Variants in METTL24 observed in about 807,000 individuals in gnomAD.
METTL24 encodes the protein methyltransferase like 24.
METTL24 carries 29 observed loss-of-function variants against 32.7 expected under a neutral mutation model. The ratio of observed to expected loss-of-function variants is 0.89; its 90% CI spans 0.66 to 1.21. The LOEUF is 1.21. METTL24 is among the 50% of genes most tolerant of loss of function. METTL24 has a pLI of 0.00. For missense variants in METTL24, 439 were observed against 468.1 expected, an observed-to-expected ratio of 0.94 and a Z score of 0.57; for synonymous variants, 163 against 179.5, an observed-to-expected ratio of 0.91 and a Z score of 0.73.
At chr6:110,326,044 C>T (rs1772011309) in intron 1 of METTL24, among the ~76,000 whole-genome samples, 1 of 152,192 alleles carries the variant, frequency 6.6e-6, no homozygotes, top group South Asian at 2.1e-4. Context: ...TCTTTCTTCC[C>T]CAAAGTGAGT....
chr6:110,324,069 C>T (rs1771978054), intron 1 of METTL24, among the ~76,000 whole-genome samples: 4 of 151,976 alleles, frequency 2.6e-5, no homozygotes, highest in African/African-American at 9.7e-5. Context: ...CTAGGTGACT[C>T]GGGGTTACAT....
rs1183805876 is a variant in METTL24, at chr6:110,264,128, A to G, written c.787-17868T>C. 4.6e-5 allele frequency among the ~76,000 whole-genome samples: 7 copies of G among 151,630 alleles called. No individual in the cohort carries two copies. The East Asian group carries it at 1.4e-3, about 29-fold the overall frequency. ...AAGCCAAAATTGACAAATGGGATCTAATTAAACTAAAGAGCTTCTGCACAG... is the reference window on the plus strand; with the variant it reads ...AAGCCAAAATTGACAAATGGGATCTGATTAAACTAAAGAGCTTCTGCACAG... On this transcript the variant is annotated intron_variant, in intron 4 of 4. Coordinates refer to ENST00000338882, the MANE Select transcript of METTL24 (RefSeq NM_001123364.3).
intron 4 of METTL24, among the ~76,000 whole-genome samples, chr6:110,296,840 T>C (rs2114729953): frequency 6.6e-6 from 1 of 152,340 alleles, no homozygotes; most frequent in South Asian, 2.1e-4. Context: ...CACATCCTAT[T>C]TACCACTGTC....
intron 4 of METTL24, among the ~76,000 whole-genome samples, chr6:110,297,201 G>C (rs1771436226): frequency 6.6e-6 from 1 of 152,098 alleles, no homozygotes; most frequent in South Asian, 2.1e-4. Flanking sequence ...AAATATTTCT[G>C]CTATCTCAGG....
intron 4 of METTL24, among the ~76,000 whole-genome samples, chr6:110,287,890 T>C (rs1771252072): frequency 1.3e-5 from 2 of 152,082 alleles, no homozygotes; most frequent in South Asian, 4.1e-4. Flanking sequence ...TGAGGATAAA[T>C]CATTATCTAA....
intron 4 of METTL24, among the ~76,000 whole-genome samples, chr6:110,293,538 T>G (rs1408420433): frequency 6.6e-6 from 1 of 152,000 alleles, no homozygotes; most frequent in East Asian, 1.9e-4. Context: ...TCAATAATAA[T>G]AATATCTGCA....
chr6:110,307,212 G>A (rs1310265249), intron 3 of METTL24, among the ~76,000 whole-genome samples: 1 of 152,118 alleles, frequency 6.6e-6, no homozygotes, highest in Non-Finnish European at 1.5e-5. Flanking sequence ...CACTACACTG[G>A]ACACCAGGGA....
intron 1 of METTL24, among the ~76,000 whole-genome samples, chr6:110,351,322 T>C (rs1192689125): frequency 2.0e-5 from 3 of 152,206 alleles, no homozygotes; most frequent in Admixed American, 6.5e-5. Flanking sequence ...AAAATGTCAG[T>C]AGTATATCCA....
chr6:110,320,250 C>T (rs1771908589), intron 2 of METTL24, among the ~76,000 whole-genome samples: 1 of 152,054 alleles, frequency 6.6e-6, no homozygotes, highest in South Asian at 2.1e-4. Context: ...TATTTTTTTC[C>T]TTGCCCATTA....
At chr6:110,351,473 T>C (rs1772602017) in intron 1 of METTL24, among the ~76,000 whole-genome samples, 2 of 152,122 alleles carry the variant, frequency 1.3e-5, no homozygotes, top group South Asian at 2.1e-4. Flanking sequence ...CACACACACA[T>C]TGATGTTAGG....
At chr6:110,344,082 G>A (rs905803917) in intron 1 of METTL24, among the ~76,000 whole-genome samples, 14 of 152,200 alleles carry the variant, frequency 9.2e-5, no homozygotes, top group Non-Finnish European at 2.1e-4. Context: ...CTTTCATACT[G>A]TAATCTGCCC....
chr6:110,347,622 TA>T (rs1475410606), intron 1 of METTL24, among the ~76,000 whole-genome samples: 1 of 152,184 alleles, frequency 6.6e-6, no homozygotes, highest in Non-Finnish European at 1.5e-5. Context: ...TCCCTTGAAC[TA>T]AAGAGGTAAC....
chr6:110,298,225 C>T (rs1213840998), intron 4 of METTL24, among the ~76,000 whole-genome samples: 1 of 152,220 alleles, frequency 6.6e-6, no homozygotes, highest in African/African-American at 2.4e-5. Context: ...CACAAGCCAA[C>T]TGCACTCAGG....
chr6:110,270,355 G>A (rs949652748), intron 4 of METTL24, among the ~76,000 whole-genome samples: 2 of 151,734 alleles, frequency 1.3e-5, no homozygotes, highest in African/African-American at 2.4e-5. Flanking sequence ...ACTGGAGCTG[G>A]TTGTGGGGGG....
Position 110,358,325 on chromosome 6 carries a change from G to A in METTL24, c.-53C>T. 2 of 1,310,528 alleles carry A rather than the reference G, an allele frequency of 1.5e-6. No homozygotes were observed. Among genetic ancestry groups the A allele is most frequent in the Admixed American group, 3.5e-5 (1 of 28,208 alleles). 81.2% of individuals were successfully genotyped at this position (1,310,528 alleles called of 1,614,324 possible). A position where few individuals can be genotyped will look rare whatever the true frequency, so the allele number is the denominator to read the frequency against. On this transcript the variant is annotated 5_prime_UTR_variant, in exon 1 of 5. Coordinates refer to ENST00000338882, the MANE Select transcript of METTL24 (RefSeq NM_001123364.3). ...GCGCCTGGCCGGCAGCAGGGATGTAGCCCCACAGGCCGGAGCGGCCAACTG... is the reference window on the plus strand; with the variant it reads ...GCGCCTGGCCGGCAGCAGGGATGTAACCCCACAGGCCGGAGCGGCCAACTG...
chr6:110,280,999 G>A (rs1771126880), intron 4 of METTL24, among the ~76,000 whole-genome samples: 1 of 151,936 alleles, frequency 6.6e-6, no homozygotes, highest in East Asian at 1.9e-4. Flanking sequence ...CAGAATTACA[G>A]GTGACTTTAA....
At chr6:110,322,208 C>A (rs1228441080) in intron 2 of METTL24, among the ~76,000 whole-genome samples, 2 of 152,198 alleles carry the variant, frequency 1.3e-5, no homozygotes, top group East Asian at 3.9e-4. Flanking sequence ...GGAACTACCA[C>A]AATGTGTTAA....
chr6:110,311,890 AT>A (rs1771730314), intron 3 of METTL24, among the ~76,000 whole-genome samples: 1 of 152,022 alleles, frequency 6.6e-6, no homozygotes, highest in Admixed American at 6.6e-5. Context: ...TCATGGAATT[AT>A]TTTTTTGTTT....
intron 4 of METTL24, among the ~76,000 whole-genome samples, chr6:110,286,925 GCT>G (rs1258574083): frequency 6.6e-6 from 1 of 152,198 alleles, no homozygotes. Context: ...ACTCCGACTG[GCT>G]CTCCTTGCTC....
Sources: gnomAD v4.1 joint callset for allele counts (sites outside exome capture counted in the v4.1 genomes callset) on GRCh38, gnomAD v4.1.1 for gene constraint, MANE v1.5 for transcripts, NCBI Gene and HGNC (gene_info 2026-07-23, HGNC 2026-07-21) for gene names.